Variants in BMPR2 observed in about 807,000 individuals in gnomAD.
The protein encoded by BMPR2 is bone morphogenetic protein receptor type-2.
Under a neutral mutation model 100.8 loss-of-function variants are expected in BMPR2, and 29 were observed. The ratio of observed to expected loss-of-function variants is 0.29; its 90% CI spans 0.21 to 0.39. BMPR2 has a LOEUF of 0.39. Ranked by LOEUF, BMPR2 falls within the 10% of genes least tolerant of loss-of-function variation. The probability of loss-of-function intolerance (pLI) is 1.00; values close to 1 mark genes in which losing one functional copy is unlikely to be tolerated. For synonymous variants in BMPR2, 382 were observed against 442.3 expected, an observed-to-expected ratio of 0.86 and a Z score of 1.71; for missense variants, 1,011 against 1,274.5, an observed-to-expected ratio of 0.79 and a Z score of 3.15.
intron 1 of BMPR2, among the ~76,000 whole-genome samples, chr2:202,435,464 G>A (rs1691598724): frequency 6.9e-6 from 1 of 145,420 alleles, no homozygotes; most frequent in East Asian, 2.0e-4. Flanking sequence ...TTTATTATAA[G>A]AGTAAAAATG....
intron 12 of BMPR2, among the ~76,000 whole-genome samples, chr2:202,557,516 A>C (rs918121505): frequency 8.9e-5 from 10 of 112,500 alleles, no homozygotes; most frequent in South Asian, 2.9e-4. Flanking sequence ...CACACACACA[A>C]ATTAGCTGGG....
intron 1 of BMPR2, among the ~76,000 whole-genome samples, chr2:202,462,717 G>T (rs1437022487): frequency 6.8e-6 from 1 of 146,574 alleles, no homozygotes; most frequent in Admixed American, 6.8e-5. Context: ...TGTTGTTGTT[G>T]TTTTTGTTTT....
intron 3 of BMPR2, among the ~76,000 whole-genome samples, chr2:202,494,947 G>A (rs547789389): frequency 5.9e-5 from 9 of 152,238 alleles, no homozygotes; most frequent in South Asian, 4.1e-4. Context: ...GACAGGGTGC[G>A]TGATGCGGGG....
chr2:202,522,789 C>T (rs1440853491), intron 7 of BMPR2, among the ~76,000 whole-genome samples: 1 of 151,772 alleles, frequency 6.6e-6, no homozygotes, highest in East Asian at 1.9e-4. Flanking sequence ...ATGATCATGC[C>T]ACTGCACTTC....
intron 1 of BMPR2, among the ~76,000 whole-genome samples, chr2:202,459,308 A>G (rs1692180987): frequency 6.6e-6 from 1 of 152,194 alleles, no homozygotes; most frequent in Admixed American, 6.5e-5. Flanking sequence ...ATTATACATC[A>G]CAAGAAATAG....
In BMPR2 at chr2:202,564,977, C is replaced by T. The variant is rs140700152; in HGVS notation, c.*5031C>T. 0.011 allele frequency: 1,716 copies of T among 152,078 alleles called. 17 individuals carry two copies. Among genetic ancestry groups the T allele is most frequent in the Non-Finnish European group, 0.018 (1,223 of 68,052 alleles). 9.4% of individuals were successfully genotyped at this position (152,078 alleles called of 1,614,324 possible). ...AGGAGAATCGTTTGCACCCGGGAGG[C>T]GGAGGTTGTTGCAGTGAGCCGAGAT... is the stretch of plus-strand genomic sequence containing the variant. On this transcript the variant is annotated 3_prime_UTR_variant, in exon 13 of 13. Transcript: ENST00000374580.
chr2:202,534,643 G>A (rs549091451), intron 9 of BMPR2, among the ~76,000 whole-genome samples: 193 of 152,316 alleles, frequency 1.3e-3, no homozygotes, highest in African/African-American at 4.4e-3. Context: ...AAAATGGAAA[G>A]TCTCCCATGT....
intron 3 of BMPR2, among the ~76,000 whole-genome samples, chr2:202,476,761 C>T (rs959706819): frequency 3.9e-5 from 6 of 152,040 alleles, no homozygotes; most frequent in Non-Finnish European, 8.8e-5. Context: ...TGCACTCCAG[C>T]CTGGGATGCA....
chr2:202,527,635 A>C (rs1453323859), intron 7 of BMPR2, among the ~76,000 whole-genome samples: 2 of 149,642 alleles, frequency 1.3e-5, no homozygotes, highest in Non-Finnish European at 3.0e-5. Flanking sequence ...AATACAAAAA[A>C]AATTAGCCGG....
chr2:202,437,199 T>C (rs953812027), intron 1 of BMPR2, among the ~76,000 whole-genome samples: 1 of 149,838 alleles, frequency 6.7e-6, no homozygotes, highest in East Asian at 1.9e-4. Flanking sequence ...AGAGATGGGG[T>C]TTCACCATTT....
At chr2:202,423,854 A>T (rs985567082) in intron 1 of BMPR2, among the ~76,000 whole-genome samples, 2 of 152,090 alleles carry the variant, frequency 1.3e-5, no homozygotes, top group Non-Finnish European at 2.9e-5. Flanking sequence ...CAGGAGTTCA[A>T]GACCAGCCTG....
intron 3 of BMPR2, among the ~76,000 whole-genome samples, chr2:202,484,050 C>T (rs774791749): frequency 2.4e-4 from 36 of 152,204 alleles, no homozygotes; most frequent in Non-Finnish European, 4.4e-4. Flanking sequence ...GGTGTGACTG[C>T]ACTCAGGCAT....
intron 1 of BMPR2, among the ~76,000 whole-genome samples, chr2:202,418,217 TC>T (rs1282162663): frequency 6.6e-6 from 1 of 152,220 alleles, no homozygotes; most frequent in Non-Finnish European, 1.5e-5. Context: ...TTCTAAAGCA[TC>T]CAGGCCCTTC....
chr2:202,528,449 A>G (rs1306113197), intron 7 of BMPR2, among the ~76,000 whole-genome samples: 1 of 152,204 alleles, frequency 6.6e-6, no homozygotes, highest in Non-Finnish European at 1.5e-5. Context: ...AGCCTCCCCA[A>G]GTGCTGGGAT....
chr2:202,454,456 G>A (rs2105950295), intron 1 of BMPR2, among the ~76,000 whole-genome samples: 1 of 152,274 alleles, frequency 6.6e-6, no homozygotes, highest in East Asian at 1.9e-4. Context: ...GCTACTTGCT[G>A]GAAGTAAATC....
At chr2:202,552,207 C>G (rs2106041526) in intron 10 of BMPR2, among the ~76,000 whole-genome samples, 1 of 152,150 alleles carries the variant, frequency 6.6e-6, no homozygotes, top group South Asian at 2.1e-4. Flanking sequence ...CCAAACTGGT[C>G]TCAAACTCCT....
intron 1 of BMPR2, among the ~76,000 whole-genome samples, chr2:202,445,317 C>T (rs1215506857): frequency 6.7e-6 from 1 of 150,014 alleles, no homozygotes; most frequent in Non-Finnish European, 1.5e-5. Context: ...GCCTCAACCT[C>T]CCAGTCTCAA....
At chr2:202,377,775 C>G (rs1559287010) in intron 1 of BMPR2, among the ~76,000 whole-genome samples, 1 of 152,268 alleles carries the variant, frequency 6.6e-6, no homozygotes, top group South Asian at 2.1e-4. Flanking sequence ...TCCCACCCCA[C>G]CCCCCTTTAC....
At position 202,504,322 on chromosome 2, in the gene BMPR2, G is replaced by A. The variant is rs185322346; in HGVS notation, c.419-9397G>A. On this transcript the variant is annotated intron_variant, in intron 3 of 12. Transcript: ENST00000374580. ...GTTTTTATGAGCTGTAACACTCCCC[G>A]CAAAGGTCTGCAGCTTCACTCCTGA... 3.2e-3 allele frequency among the ~76,000 whole-genome samples: 486 copies of A among 152,032 alleles called. 2 individuals are homozygous for A. Among genetic ancestry groups the A allele is most frequent in the African/African-American group, 0.011 (471 of 41,476 alleles).
Sources: gnomAD v4.1 joint callset for allele counts (sites outside exome capture counted in the v4.1 genomes callset) on GRCh38, gnomAD v4.1.1 for gene constraint, MANE v1.5 for transcripts, NCBI Gene and HGNC (gene_info 2026-07-23, HGNC 2026-07-21) for gene names.